MCF2L2: variants seen among roughly 807,000 people sequenced by gnomAD.
MCF2L2 encodes the protein MCF.2 cell line derived transforming sequence-like 2.
Under a neutral mutation model 150.2 loss-of-function variants are expected in MCF2L2, and 102 were observed. The observed-to-expected ratio is 0.68, with a 90% CI of 0.58 to 0.80. The LOEUF is 0.80. Ranked by LOEUF, MCF2L2 falls within the 30% of genes least tolerant of loss-of-function variation. MCF2L2 has a pLI of 0.00. For synonymous variants in MCF2L2, 465 were observed against 491.3 expected, an observed-to-expected ratio of 0.95 and a Z score of 0.71; for missense variants, 1,256 against 1,372.8, an observed-to-expected ratio of 0.91 and a Z score of 1.34.
At chr3:183,396,528 C>T (rs1400847124) in intron 1 of MCF2L2, among the ~76,000 whole-genome samples, 4 of 152,136 alleles carry the variant, frequency 2.6e-5, no homozygotes, top group Admixed American at 2.6e-4. Context: ...ATCACATTGA[C>T]TTTAGATGAC....
chr3:183,289,269 T>C (rs3732597), intron 13 of MCF2L2, 49 bp from the exon 14 acceptor site: 17,698 of 1,264,598 alleles, frequency 0.014, 257 homozygotes, highest in Middle Eastern at 0.042. Flanking sequence ...AAACTATAAC[T>C]CAGTGCACTT....
chr3:183,298,631 T>C (rs1445518537), intron 11 of MCF2L2: 1 of 152,136 alleles, frequency 6.6e-6, no homozygotes, highest in Non-Finnish European at 1.5e-5. Context: ...CTTTGATATA[T>C]GCTGTGAAAA....
chr3:183,302,874 A>T (rs1023495215), intron 10 of MCF2L2, among the ~76,000 whole-genome samples: 1 of 151,918 alleles, frequency 6.6e-6, no homozygotes, highest in African/African-American at 2.4e-5. Context: ...TCTAAAAACT[A>T]TTTTCTTTAT....
At chr3:183,293,008 A>G (rs1728253181) in intron 13 of MCF2L2, among the ~76,000 whole-genome samples, 1 of 152,224 alleles carries the variant, frequency 6.6e-6, no homozygotes, top group South Asian at 2.1e-4. Flanking sequence ...AAATCCAACT[A>G]TATCAATAAT....
intron 1 of MCF2L2, among the ~76,000 whole-genome samples, chr3:183,390,832 G>A (rs768863027): frequency 2.0e-5 from 3 of 152,174 alleles, no homozygotes; most frequent in African/African-American, 4.8e-5. Flanking sequence ...AGGAGTTTGA[G>A]GCTGTCGTTA....
chr3:183,226,883 T>G (rs183296549), intron 18 of MCF2L2: 5 of 152,326 alleles, frequency 3.3e-5, no homozygotes, highest in African/African-American at 4.8e-5. Context: ...TAAAATAGTT[T>G]TCAGTGTACA....
chr3:183,190,966 A>G (rs745612761), intron 27 of MCF2L2, among the ~76,000 whole-genome samples: 22 of 152,098 alleles, frequency 1.4e-4, no homozygotes, highest in Non-Finnish European at 3.1e-4. Flanking sequence ...ACTCACCACA[A>G]TCTCTGCCTC....
chr3:183,253,293 AGC>A (rs1327456832), intron 15 of MCF2L2: 1 of 143,412 alleles, frequency 7.0e-6, no homozygotes, highest in East Asian at 2.3e-4. Context: ...AGCCCAGTCC[AGC>A]GCTGCCCGTC....
chr3:183,220,126 CTATTT>C (rs1275542888), intron 20 of MCF2L2, among the ~76,000 whole-genome samples: 1 of 152,218 alleles, frequency 6.6e-6, no homozygotes, highest in African/African-American at 2.4e-5. Context: ...ATTGTACACA[CTATTT>C]TGTAGACTAC....
intron 25 of MCF2L2, among the ~76,000 whole-genome samples, chr3:183,200,835 T>C (rs1196172962): frequency 6.6e-6 from 1 of 152,370 alleles, no homozygotes; most frequent in East Asian, 1.9e-4. Context: ...TTCAGCTTTC[T>C]ACATATGGCT....
Position 183,270,102 on chromosome 3 carries a change from G to A in MCF2L2, c.1862+6770C>T. 1 of 1,614,118 alleles carries A rather than the reference G, an allele frequency of 6.2e-7. No individual in the cohort carries two copies. The highest frequency in any genetic ancestry group is 8.5e-7 in the Non-Finnish European group (1 of 1,180,040). On this transcript the variant is annotated intron_variant, in intron 15 of 29. Coordinates refer to ENST00000328913, the MANE Select transcript of MCF2L2 (RefSeq NM_015078.4). The surrounding 1 kb of genome is among the most constrained non-coding windows in gnomAD (Gnocchi z 4.5). ...TGTAAAAACTGCTCCTGAAAACTAT[G>A]ATCGACGTTCCGGAATTAGAAGGAC...
intron 1 of MCF2L2, among the ~76,000 whole-genome samples, chr3:183,411,998 A>G (rs1715336955): frequency 6.6e-6 from 1 of 152,226 alleles, no homozygotes; most frequent in Non-Finnish European, 1.5e-5. Flanking sequence ...TGAAATGCAC[A>G]GAAGGTTAAA....
At chr3:183,416,334 G>T (rs1715586918) in intron 1 of MCF2L2, among the ~76,000 whole-genome samples, 1 of 152,008 alleles carries the variant, frequency 6.6e-6, no homozygotes, top group Non-Finnish European at 1.5e-5. Context: ...ACTATTCCTG[G>T]TTCTCTTCAT....
intron 11 of MCF2L2, chr3:183,298,765 G>GCGCGCGCGCGCGCACACACACACA: frequency 1.1e-4 from 15 of 138,580 alleles, no homozygotes; most frequent in South Asian, 9.6e-4. Context: ...AAACACACAT[G>GCGCGCGCGCGCGCACACACACACA]CACACACACA....
intron 1 of MCF2L2, among the ~76,000 whole-genome samples, chr3:183,416,367 C>G (rs1472489045): frequency 6.6e-6 from 1 of 152,134 alleles, no homozygotes; most frequent in Non-Finnish European, 1.5e-5. Flanking sequence ...ATTTGAGCTA[C>G]CCTCTGGAGT....
chr3:183,286,796 T>C (rs925571574), intron 14 of MCF2L2, among the ~76,000 whole-genome samples: 12 of 152,216 alleles, frequency 7.9e-5, no homozygotes, highest in Non-Finnish European at 1.0e-4. Flanking sequence ...CCAGCCTCTG[T>C]TCCTACTCTG....
intron 1 of MCF2L2, among the ~76,000 whole-genome samples, chr3:183,392,309 C>A (rs947689392): frequency 6.6e-6 from 1 of 152,134 alleles, no homozygotes; most frequent in African/African-American, 2.4e-5. Context: ...GCCCGGATCA[C>A]CTGACGCTAA....
intron 3 of MCF2L2, among the ~76,000 whole-genome samples, chr3:183,354,503 T>A (rs1711646389): frequency 6.8e-6 from 1 of 147,514 alleles, no homozygotes; most frequent in African/African-American, 2.5e-5. Flanking sequence ...CCACTTATCT[T>A]AACCCCCAGC....
intron 3 of MCF2L2, among the ~76,000 whole-genome samples, chr3:183,366,995 T>C (rs1375032724): frequency 6.6e-6 from 1 of 152,150 alleles, no homozygotes; most frequent in Admixed American, 6.5e-5. Context: ...AAAAAGTCAT[T>C]GTCTGACTCT....
Sources: gnomAD v4.1 joint callset for allele counts (sites outside exome capture counted in the v4.1 genomes callset) on GRCh38, gnomAD v4.1.1 for gene constraint, Gnocchi (gnomAD v3.1) non-coding constraint, MANE v1.5 for transcripts, NCBI Gene and HGNC (gene_info 2026-07-23, HGNC 2026-07-21) for gene names.